Variants in ITGAE observed in about 807,000 individuals in gnomAD.
ITGAE encodes the protein integrin alpha-E.
In ITGAE, 99 loss-of-function variants were observed where a neutral mutation model predicts 136.5. The observed-to-expected ratio is 0.73, with a 90% CI of 0.62 to 0.86. The LOEUF (loss-of-function observed/expected upper bound fraction) is 0.86. ITGAE is among the 40% of genes least tolerant of loss of function. The pLI is 0.00. For missense variants in ITGAE, 1,447 were observed against 1,515.3 expected (o/e 0.95, Z 0.75); for synonymous variants, 613 against 591.8 (o/e 1.04, Z -0.52).
At chr17:3,789,906 C>T (rs1236522220) in intron 1 of ITGAE, among the ~76,000 whole-genome samples, 1 of 152,094 alleles carries the variant, frequency 6.6e-6, no homozygotes, top group Non-Finnish European at 1.5e-5. Context: ...AATAATAGAA[C>T]CAAACTATTT....
Position 3,727,795 on chromosome 17 carries a change from A to G in ITGAE, c.3084+124T>C, listed in dbSNP as rs553246009. The G allele has an allele frequency of 1.2e-5, 8 of 680,636 alleles. No homozygotes were observed. The Admixed American group carries it at 1.5e-4, about 12-fold the overall frequency. 42.2% of individuals were successfully genotyped at this position (680,636 alleles called of 1,614,324 possible). On this transcript the variant is annotated intron_variant, in intron 26 of 30. Transcript: ENST00000263087. ...CTTCTGAACAGGACTTCGGGAATTT[A>G]CTCCTAATCTTTTCCCATGGTTAAC... is the stretch of plus-strand genomic sequence containing the variant.
chr17:3,722,363 C>G (rs944588391), intron 28 of ITGAE: 3 of 151,582 alleles, frequency 2.0e-5, no homozygotes, highest in Non-Finnish European at 2.9e-5. Context: ...CGCCTGTAAT[C>G]CCAGCTACTC....
chr17:3,778,062 C>A lies in ITGAE; in HGVS notation c.35-402G>T, dbSNP rs554198878. Among the ~76,000 whole-genome samples, 3 of 152,226 alleles carry A rather than the reference C, an allele frequency of 2.0e-5. 1 individual carries two copies. In the South Asian group the frequency reaches 6.2e-4, roughly 32 times the overall value. On this transcript the variant is annotated intron_variant, in intron 1 of 30. Coordinates refer to ENST00000263087, the MANE Select transcript of ITGAE (RefSeq NM_002208.5). ...GTATGTTCTATGTACCCCCTTCAAG[C>A]GACCCACGAGAAAACGTATCCCCAA... is the stretch of plus-strand genomic sequence containing the variant.
chr17:3,775,033 C>T (rs752677078), intron 2 of ITGAE, among the ~76,000 whole-genome samples: 19 of 151,828 alleles, frequency 1.3e-4, no homozygotes, highest in Non-Finnish European at 1.5e-5. Context: ...CTCGACTCAC[C>T]CGCCCCCGGG....
chr17:3,730,504 G>A (rs1452020825), intron 23 of ITGAE: 2 of 149,348 alleles, frequency 1.3e-5, no homozygotes, highest in African/African-American at 4.9e-5. Flanking sequence ...TTGGAGTTCA[G>A]AATTGTCTCT....
chr17:3,784,541 C>T (rs1032166202), intron 1 of ITGAE, among the ~76,000 whole-genome samples: 3 of 151,716 alleles, frequency 2.0e-5, no homozygotes, highest in Admixed American at 6.6e-5. Context: ...ACTACAGGCA[C>T]GCGCCACCAT....
intron 2 of ITGAE, among the ~76,000 whole-genome samples, chr17:3,765,925 G>A (rs900644124): frequency 3.3e-5 from 5 of 152,144 alleles, no homozygotes; most frequent in East Asian, 1.9e-4. Flanking sequence ...ATCTGCTATC[G>A]TAGGCAGAAT....
At chr17:3,723,262 A>G (rs1458474680) in intron 28 of ITGAE, 26 bp downstream of exon 28, 1 of 1,472,680 alleles carries the variant, frequency 6.8e-7, no homozygotes, top group Non-Finnish European at 9.5e-7. Flanking sequence ...GGATAATCAA[A>G]TCTGGAGCAT....
intron 26 of ITGAE, chr17:3,725,480 T>C (rs767140739): frequency 6.2e-7 from 1 of 1,614,212 alleles, no homozygotes; most frequent in Non-Finnish European, 8.5e-7. Context: ...TCATTGCTAT[T>C]GAAGGACCAG....
Position 3,729,501 on chromosome 17 carries a change from A to G in ITGAE, c.2889T>C (p.His963=). ...ANETHTLQFR[H]GFVAVLSKPS... ...ACTTGGACAGAACTGCAACGAAGCC[A>G]TGCCTGAATTGAAGGGTGTGGGTCT... The change falls in exon 24 of 31, where the codon CAT becomes CAC. Residue 963 remains histidine (H), a synonymous_variant. Coordinates refer to ENST00000263087, the MANE Select transcript of ITGAE (RefSeq NM_002208.5). 1 of 1,611,900 alleles carries G rather than the reference A, an allele frequency of 6.2e-7. No homozygotes were observed. The highest frequency in any genetic ancestry group is 8.5e-7 in the Non-Finnish European group (1 of 1,177,928).
chr17:3,784,084 C>A (rs528404287), intron 1 of ITGAE, among the ~76,000 whole-genome samples: 161 of 152,122 alleles, frequency 1.1e-3, no homozygotes, highest in Non-Finnish European at 1.6e-3. Flanking sequence ...CACGGTGAAA[C>A]CCCGTCTCTA....
At chr17:3,734,795 C>T in intron 21 of ITGAE, 22 bp downstream of exon 21, 1 of 1,613,678 alleles carries the variant, frequency 6.2e-7, no homozygotes, top group East Asian at 2.2e-5. Flanking sequence ...GGACCTGTTT[C>T]CACAGCCACC....
intron 8 of ITGAE, among the ~76,000 whole-genome samples, chr17:3,758,790 G>A (rs2052089853): frequency 6.6e-6 from 1 of 151,880 alleles, no homozygotes; most frequent in Non-Finnish European, 1.5e-5. Context: ...CTGAAGCACA[G>A]GTCACAAGGT....
chr17:3,795,698 G>T (rs1567564497), intron 1 of ITGAE, among the ~76,000 whole-genome samples: 1 of 152,238 alleles, frequency 6.6e-6, no homozygotes, highest in Non-Finnish European at 1.5e-5. Context: ...CTGGAGCAGG[G>T]CTCTGCTTAC....
At chr17:3,742,286 C>A (rs991259550) in intron 19 of ITGAE, among the ~76,000 whole-genome samples, 2 of 152,044 alleles carry the variant, frequency 1.3e-5, no homozygotes, top group African/African-American at 2.4e-5. Context: ...TGGACCAGAA[C>A]CTTTTTTTTC....
At chr17:3,745,499 G>C (rs764790680) in intron 18 of ITGAE, among the ~76,000 whole-genome samples, 2 of 151,972 alleles carry the variant, frequency 1.3e-5, no homozygotes, top group African/African-American at 2.4e-5. Context: ...CCGCCATCAC[G>C]CCCGGCTAAT....
At chr17:3,778,833 T>C (rs1200501481) in intron 1 of ITGAE, among the ~76,000 whole-genome samples, 1 of 152,152 alleles carries the variant, frequency 6.6e-6, no homozygotes, top group Non-Finnish European at 1.5e-5. Context: ...TTCAGACATT[T>C]GACAATGGGC....
At chr17:3,795,472 G>A (rs1049275871) in intron 1 of ITGAE, among the ~76,000 whole-genome samples, 2 of 152,232 alleles carry the variant, frequency 1.3e-5, no homozygotes, top group East Asian at 1.9e-4. Context: ...CAGGCACCAC[G>A]CTAGGTGCTG....
Position 3,755,115 on chromosome 17 carries a change from A to ATCAGGTGGCCCCGCCCTCATCAGGTGGC in ITGAE, c.1384+1_1384+2insGCCACCTGATGAGGGCGGGGCCACCTGA, listed in dbSNP as rs71153394. 40 of 1,575,586 alleles carry ATCAGGTGGCCCCGCCCTCATCAGGTGGC rather than the reference A, an allele frequency of 2.5e-5. No individual in the cohort carries two copies. The highest frequency in any genetic ancestry group is 1.1e-4 in the African/African-American group (8 of 73,032). On this transcript the variant is annotated splice_donor_variant, in intron 12 of 30. Transcript: ENST00000263087. LOFTEE classifies it high-confidence loss of function. ...GCCCTCATCAGGTGGCCCCGCCCTC[A>ATCAGGTGGCCCCGCCCTCATCAGGTGGC]CCCAGGTAGCTGTACTGCGCAGCCT...
Sources: allele counts gnomAD v4.1 joint callset (sites outside exome capture counted in the v4.1 genomes callset), GRCh38; gene constraint gnomAD v4.1.1; transcripts MANE v1.5; gene names NCBI Gene and HGNC (gene_info 2026-07-23, HGNC 2026-07-21).